Variants in CAND1 observed in about 807,000 individuals in gnomAD.
CAND1 encodes the protein cullin-associated NEDD8-dissociated protein 1.
CAND1 carries 7 observed loss-of-function variants against 108.5 expected under a neutral mutation model. That is an observed-to-expected ratio of 0.06 (90% CI 0.04 to 0.12). The LOEUF (loss-of-function observed/expected upper bound fraction) is 0.12. CAND1 is among the 10% of genes least tolerant of loss of function. CAND1 has a pLI of 1.00. For synonymous variants in CAND1, 534 were observed against 512.0 expected (o/e 1.04, Z -0.58); for missense variants, 941 against 1,448.7 (o/e 0.65, Z 5.69).
chr12:67,308,331 G>A (rs1288291236), intron 11 of CAND1, among the ~76,000 whole-genome samples: 1 of 152,054 alleles, frequency 6.6e-6, no homozygotes, highest in African/African-American at 2.4e-5. Context: ...GGCACAAATG[G>A]GTTCTATTGC....
intron 2 of CAND1, among the ~76,000 whole-genome samples, chr12:67,282,993 A>T (rs566798628): frequency 6.6e-6 from 1 of 152,302 alleles, no homozygotes; most frequent in African/African-American, 2.4e-5. Flanking sequence ...TATGAATGTC[A>T]ACTTTTAGAA....
Position 67,297,732 on chromosome 12 carries a change from A to C in CAND1, c.749-16A>C, listed in dbSNP as rs371182589. 5 of 1,588,682 alleles carry C rather than the reference A, an allele frequency of 3.1e-6. No homozygotes were observed. Among genetic ancestry groups the C allele is most frequent in the Non-Finnish European group, 4.3e-6 (5 of 1,166,674 alleles). On this transcript the variant is annotated splice_polypyrimidine_tract_variant and intron_variant, in intron 5 of 14. Transcript: ENST00000545606. Reference sequence around the variant, plus strand: ...AATTAATGCATGTTTTTAAAGAACCATTATGCTTTTCTTAGGTGAATACCT... The same window carrying C: ...AATTAATGCATGTTTTTAAAGAACCCTTATGCTTTTCTTAGGTGAATACCT...
In CAND1 at chr12:67,319,117, A is replaced by G. The variant is rs1292893795; in HGVS notation, c.*6287A>G. On this transcript the variant is annotated 3_prime_UTR_variant, in exon 15 of 15. Transcript: ENST00000545606. Reference sequence around the variant, plus strand: ...ACACCTTGGAAACCACCACATTAAAATACCCAGAAGGCATTAATTCCCAGT... The same window carrying G: ...ACACCTTGGAAACCACCACATTAAAGTACCCAGAAGGCATTAATTCCCAGT... The G allele has an allele frequency of 6.6e-6, 1 of 152,214 alleles. No homozygotes were observed. Among genetic ancestry groups the G allele is most frequent in the Non-Finnish European group, 1.5e-5 (1 of 68,056 alleles). 9.4% of individuals were successfully genotyped at this position (152,214 alleles called of 1,614,324 possible).
At chr12:67,304,836 G>C in intron 9 of CAND1, 90 bp downstream of exon 9, 2 of 1,442,218 alleles carry the variant, frequency 1.4e-6, no homozygotes. Flanking sequence ...CCTTTTAAAG[G>C]AATATATGTG....
In CAND1 at chr12:67,317,645, G is replaced by C. The variant is rs1326158903; in HGVS notation, c.*4815G>C. 2 of 151,900 alleles carry C rather than the reference G, an allele frequency of 1.3e-5. No individual in the cohort carries two copies. The highest frequency in any genetic ancestry group is 3.9e-4 in the East Asian group (2 of 5,166). The allele number at this position is 151,900 out of a possible 1,614,324, so 9.4% of individuals were successfully genotyped here. ...TTACAGGCGTGTGCCACCATGCCCAGCTAATTTTTGTATTTTTAGTAGAGA... is the reference window on the plus strand; with the variant it reads ...TTACAGGCGTGTGCCACCATGCCCACCTAATTTTTGTATTTTTAGTAGAGA... On this transcript the variant is annotated 3_prime_UTR_variant, in exon 15 of 15. Transcript: ENST00000545606.
intron 1 of CAND1, among the ~76,000 whole-genome samples, chr12:67,276,816 GT>G (rs977193724): frequency 2.6e-5 from 4 of 152,154 alleles, no homozygotes; most frequent in African/African-American, 7.2e-5. Context: ...GGAGGCTGCT[GT>G]TTTTTTCTTT....
Position 67,305,368 on chromosome 12 carries a change from A to T in CAND1, c.1700A>T (p.Asp567Val), listed in dbSNP as rs370384976. The change falls in exon 10 of 15, where the codon GAT becomes GTT. Residue 567 changes from aspartate (D) to valine (V), a missense_variant. Transcript: ENST00000545606. The surrounding 1 kb of genome is among the most constrained non-coding windows in gnomAD (Gnocchi z 4.4). Reference sequence around the variant, plus strand: ...TTTGATGCAACTCCTTATATCAAAGATCTATTTACCTGTACCATTAAGAGA... The same window carrying T: ...TTTGATGCAACTCCTTATATCAAAGTTCTATTTACCTGTACCATTAAGAGA... ...SSFDATPYIKDLFTCTIKRLK... is the reference protein window; with the variant it reads ...SSFDATPYIKVLFTCTIKRLK... 1.4e-5 allele frequency: 22 copies of T among 1,614,046 alleles called. No individual in the cohort carries two copies. Among genetic ancestry groups the T allele is most frequent in the Non-Finnish European group, 1.8e-5 (21 of 1,180,040 alleles).
In CAND1 at chr12:67,292,477, T is replaced by G. The variant is rs1592613254; in HGVS notation, c.213-145T>G. Reference sequence around the variant, plus strand: ...TCTTAACCAATCACAATTTTTTATGTCATTTGTATACTATTTATGATACAG... The same window carrying G: ...TCTTAACCAATCACAATTTTTTATGGCATTTGTATACTATTTATGATACAG... On this transcript the variant is annotated intron_variant, in intron 2 of 14. Transcript: ENST00000545606. 18 of 521,202 alleles carry G rather than the reference T, an allele frequency of 3.5e-5. No homozygotes were observed. In the East Asian group the frequency reaches 6.4e-4, roughly 19 times the overall value. 32.3% of individuals were successfully genotyped at this position (521,202 alleles called of 1,614,324 possible).
chr12:67,306,626 A>C, intron 10 of CAND1, 29 bp downstream of exon 10: 1 of 1,526,162 alleles, frequency 6.6e-7, no homozygotes, highest in Non-Finnish European at 8.8e-7. Context: ...TTACTTAAAA[A>C]GTTTTTTATT....
At position 67,311,737 on chromosome 12, in the gene CAND1, A is replaced by G; in HGVS notation, c.3405A>G (p.Pro1135=). 6.2e-7 allele frequency: 1 copy of G among 1,612,138 alleles called. No homozygotes were observed. The highest frequency in any genetic ancestry group is 8.5e-7 in the Non-Finnish European group (1 of 1,178,266). Residue 1135 remains proline (P), a synonymous_variant, in exon 14 of 15, where the codon CCA becomes CCG. Coordinates refer to ENST00000545606, the MANE Select transcript of CAND1 (RefSeq NM_018448.5). ...LMLVRLSTLC[P]SAVLQRLDRL... ...TGGTGAGACTGTCTACCCTTTGTCC[A>G]AGTGCAGTACTGCAGAGGTTGGACC... is the stretch of plus-strand genomic sequence containing the variant.
intron 11 of CAND1, 98 bp downstream of exon 11, chr12:67,307,590 C>CT (rs2044901523): frequency 1.3e-6 from 1 of 742,052 alleles, no homozygotes; most frequent in Non-Finnish European, 2.3e-6. Context: ...AATTAAAATG[C>CT]TTATAAAATA....
intron 6 of CAND1, among the ~76,000 whole-genome samples, chr12:67,298,561 A>G (rs2044791889): frequency 6.6e-6 from 1 of 152,170 alleles, no homozygotes; most frequent in African/African-American, 2.4e-5. Flanking sequence ...TCCTCTCATT[A>G]CATCGGTAGA....
At chr12:67,285,016 G>A (rs941530065) in intron 2 of CAND1, among the ~76,000 whole-genome samples, 7 of 152,170 alleles carry the variant, frequency 4.6e-5, no homozygotes, top group African/African-American at 1.4e-4. Context: ...ATTCAGTGAG[G>A]TAGGATGTAA....
chr12:67,306,917 A>C (rs967610931), intron 10 of CAND1, among the ~76,000 whole-genome samples: 1 of 152,212 alleles, frequency 6.6e-6, no homozygotes, highest in Non-Finnish European at 1.5e-5. Flanking sequence ...GCTTGTTGAT[A>C]CTAATTACAA....
At chr12:67,272,154 A>T (rs1366321778) in intron 1 of CAND1, among the ~76,000 whole-genome samples, 1 of 152,252 alleles carries the variant, frequency 6.6e-6, no homozygotes, top group Non-Finnish European at 1.5e-5. Context: ...TGGAATGACC[A>T]ACATGTGCAA....
chr12:67,283,384 G>A (rs575002839), intron 2 of CAND1, among the ~76,000 whole-genome samples: 1 of 152,230 alleles, frequency 6.6e-6, no homozygotes, highest in East Asian at 1.9e-4. Context: ...AGGAGTTGGA[G>A]ACCAGCATGG....
intron 3 of CAND1, among the ~76,000 whole-genome samples, chr12:67,293,491 C>T (rs769939078): frequency 2.0e-5 from 3 of 152,018 alleles, no homozygotes; most frequent in African/African-American, 2.4e-5. Flanking sequence ...AGGTGGCTCA[C>T]GCCTATAATC....
rs2044972199 is a variant in CAND1, at chr12:67,313,243, G to A, written c.*413G>A. On this transcript the variant is annotated 3_prime_UTR_variant, in exon 15 of 15. Transcript: ENST00000545606. ...AAAAATCTTGCAAAACAAAAACCAT[G>A]TTTCTTTTTCTTGTATAACTTTTTG... is the stretch of plus-strand genomic sequence containing the variant. 1 of 153,064 alleles carries A rather than the reference G, an allele frequency of 6.5e-6. No individual in the cohort carries two copies. The highest frequency in any genetic ancestry group is 2.4e-5 in the African/African-American group (1 of 41,434). 9.5% of individuals were successfully genotyped at this position (153,064 alleles called of 1,614,324 possible). A position where few individuals can be genotyped will look rare whatever the true frequency, so the allele number is the denominator to read the frequency against.
intron 2 of CAND1, among the ~76,000 whole-genome samples, chr12:67,284,279 A>T (rs1163140205): frequency 6.7e-6 from 1 of 149,192 alleles, no homozygotes; most frequent in African/African-American, 2.5e-5. Context: ...GATAATACTT[A>T]AAAAAAAAAG....
Sources: allele counts gnomAD v4.1 joint callset (sites outside exome capture counted in the v4.1 genomes callset), GRCh38; gene constraint gnomAD v4.1.1; non-coding constraint Gnocchi (gnomAD v3.1); transcripts MANE v1.5; gene names NCBI Gene and HGNC (gene_info 2026-07-23, HGNC 2026-07-21).